The following TNC variants were observed in gnomAD, a reference collection of about 807,000 sequenced individuals.
The protein encoded by TNC is tenascin C, also known as tenascin.
TNC carries 109 observed loss-of-function variants against 202.4 expected under a neutral mutation model. The ratio of observed to expected loss-of-function variants is 0.54; its 90% CI spans 0.46 to 0.63. The LOEUF is 0.63. Ranked by LOEUF, TNC falls within the 30% of genes least tolerant of loss-of-function variation. The pLI is 0.00. For missense variants in TNC, 2,756 were observed against 2,833.3 expected (o/e 0.97, Z 0.62); for synonymous variants, 1,007 against 1,089.7 (o/e 0.92, Z 1.50).
intron 26 of TNC, among the ~76,000 whole-genome samples, chr9:115,025,727 A>G (rs750192117): frequency 2.0e-5 from 3 of 152,270 alleles, no homozygotes; most frequent in African/African-American, 4.8e-5. Context: ...GGAATAAATA[A>G]GATGAATGCA....
In TNC at chr9:115,076,282, T is replaced by G. The variant is rs1236361718; in HGVS notation, c.2860+108A>C. The G allele has an allele frequency of 4.9e-6, 7 of 1,443,060 alleles. No homozygotes were observed. In the Admixed American group the frequency reaches 1.2e-4, roughly 26 times the overall value. 89.4% of individuals were successfully genotyped at this position (1,443,060 alleles called of 1,614,324 possible). A position where few individuals can be genotyped will look rare whatever the true frequency, so the allele number is the denominator to read the frequency against. On this transcript the variant is annotated intron_variant, in intron 8 of 27. Coordinates refer to ENST00000350763, the MANE Select transcript of TNC (RefSeq NM_002160.4). The stretch of plus-strand genomic sequence containing the variant: ...TCCAATAAGCAGTATTTCAGGAAAT[T>G]GGACTTATTTCTGAGGGTTGCAAAT...
Position 115,059,836 on chromosome 9 carries a change from C to T in TNC, c.4200G>A (p.Arg1400=), listed in dbSNP as rs758182090. The T allele has an allele frequency of 6.2e-7, 1 of 1,613,960 alleles. No individual in the cohort carries two copies. The highest frequency in any genetic ancestry group is 1.3e-5 in the African/African-American group (1 of 74,878). ...CCTCGAGGCCCGGGATGTCCACAGC[C>T]CTGAGGCTGCCAGGCAACGTGAGGT... ...AQNLTLPGSL[R]AVDIPGLEAA... is the part of the protein sequence containing the mutation. Residue 1400 remains arginine (R), a synonymous_variant, in exon 14 of 28, where the codon AGG becomes AGA. Coordinates refer to ENST00000350763, the MANE Select transcript of TNC (RefSeq NM_002160.4).
chr9:115,048,220 A>G (rs750722298), intron 16 of TNC, 40 bp downstream of exon 16: 50 of 1,603,458 alleles, frequency 3.1e-5, no homozygotes, highest in Non-Finnish European at 4.3e-5. Context: ...ACAGAAGGGG[A>G]CCAGGAAGAG....
In TNC at chr9:115,073,674, T is replaced by C. The variant is rs1833626627; in HGVS notation, c.3143A>G (p.Glu1048Gly). ...CTCGGCTGTCAGGAGGACATTGTACTCCTGTCCTGGTTCCAGGCCTCTCAG... is the reference window on the plus strand; with the variant it reads ...CTCGGCTGTCAGGAGGACATTGTACCCCTGTCCTGGTTCCAGGCCTCTCAG... ...YVLRGLEPGQ[E>G]YNVLLTAEKG... The change falls in exon 10 of 28, where the codon GAG becomes GGG. Residue 1048 changes from glutamate to glycine, a missense_variant. Around this residue, in one of 2 missense-constraint regions of TNC, gnomAD observed 2,559 missense variants for 2,546.0 expected, o/e 1.01. Coordinates refer to ENST00000350763, the MANE Select transcript of TNC (RefSeq NM_002160.4). The C allele has an allele frequency of 6.2e-7, 1 of 1,614,082 alleles. No homozygotes were observed. The highest frequency in any genetic ancestry group is 1.3e-5 in the African/African-American group (1 of 74,940).
In TNC at chr9:115,041,098, A is replaced by G; in HGVS notation, c.5249-14T>C. 2 of 1,602,346 alleles carry G rather than the reference A, an allele frequency of 1.2e-6. No individual in the cohort carries two copies. The highest frequency in any genetic ancestry group is 1.7e-6 in the Non-Finnish European group (2 of 1,173,108). On this transcript the variant is annotated splice_polypyrimidine_tract_variant and intron_variant, in intron 18 of 27. Transcript: ENST00000350763. The stretch of plus-strand genomic sequence containing the variant: ...TGGAGGGTGTACCTGGAACACAGTA[A>G]AAGCAAGATGAGGAATAATGAACCT...
intron 1 of TNC, chr9:115,112,665 T>A (rs754718924): frequency 1.3e-5 from 2 of 152,246 alleles, no homozygotes; most frequent in Non-Finnish European, 2.9e-5. Flanking sequence ...CACAAGACCA[T>A]CCCACAGTCC....
rs73553145 is a variant in TNC, at chr9:115,053,937, T to C, written c.4579+3216A>G. 9.5e-3 allele frequency among the ~76,000 whole-genome samples: 1,441 copies of C among 152,314 alleles called. 7 individuals carry two copies. Among genetic ancestry groups the C allele is most frequent in the Middle Eastern group, 0.014 (4 of 294 alleles). Reference sequence around the variant, plus strand: ...TCCCTGAGGTTAAGTATCTCTTTTCTGTTAAAGTCTAGACATTCAGTTTTG... The same window carrying C: ...TCCCTGAGGTTAAGTATCTCTTTTCCGTTAAAGTCTAGACATTCAGTTTTG... On this transcript the variant is annotated intron_variant, in intron 15 of 27. Coordinates refer to ENST00000350763, the MANE Select transcript of TNC (RefSeq NM_002160.4).
chr9:115,039,883 G>C (rs1489430708), intron 19 of TNC, among the ~76,000 whole-genome samples: 2 of 152,252 alleles, frequency 1.3e-5, no homozygotes, highest in East Asian at 3.8e-4. Flanking sequence ...ATAAGGGCCT[G>C]TGAGGCAGGG....
chr9:115,023,045 A>AG (rs1260197646), intron 27 of TNC, among the ~76,000 whole-genome samples: 1 of 149,588 alleles, frequency 6.7e-6, no homozygotes, highest in African/African-American at 2.6e-5. Flanking sequence ...TGCAAAAAAA[A>AG]AAAAAAAATG....
chr9:115,060,107 T>C, intron 13 of TNC, 105 bp from the exon 14 acceptor site: 1 of 1,273,100 alleles, frequency 7.9e-7, no homozygotes, highest in Non-Finnish European at 1.1e-6. Context: ...GAAAGATAAT[T>C]TTTTTTTTTA....
At chr9:115,083,618 T>C (rs1480188671) in intron 4 of TNC, among the ~76,000 whole-genome samples, 3 of 151,450 alleles carry the variant, frequency 2.0e-5, no homozygotes, top group Non-Finnish European at 2.9e-5. Flanking sequence ...TTTTTTTTTT[T>C]TTCTTGAGAC....
At chr9:115,030,496 T>TG in intron 23 of TNC, 91 bp from the exon 24 acceptor site, 1 of 1,385,376 alleles carries the variant, frequency 7.2e-7, no homozygotes, top group African/African-American at 1.4e-5. Flanking sequence ...CTAGAATGCC[T>TG]GGGGAATTTC....
In TNC at chr9:115,063,946, T is replaced by A; in HGVS notation, c.3610A>T (p.Thr1204Ser). The A allele has an allele frequency of 1.2e-6, 2 of 1,614,114 alleles. No individual in the cohort carries two copies. The highest frequency in any genetic ancestry group is 1.6e-4 in the Middle Eastern group (1 of 6,062). ...YFFIQVQEAD[T>S]VEAAQNLTVP... ...GTGAGGTTCTGGGCTGCCTCTACTG[T>A]GTCAGCCTCCTGCACCTGAATGAAA... Residue 1204 changes from threonine (T) to serine (S), a missense_variant, in exon 12 of 28, where the codon ACA (threonine) becomes TCA (serine). By Grantham distance (58) the Thr-to-Ser change is moderately conservative (BLOSUM62 1). Around this residue, in one of 2 missense-constraint regions of TNC, gnomAD observed 2,559 missense variants for 2,546.0 expected, o/e 1.01. Transcript: ENST00000350763.
At position 115,085,871 on chromosome 9, in the gene TNC, G is replaced by A; in HGVS notation, c.1860C>T (p.Cys620=). ...CTGCGCCCTGGCACTCACCCTCTGA[G>A]CAGTCTTCTCCGCTGTAGCCCTCGT... ...ICNEGYSGED[C]SEVSPPKDLV... The change falls in exon 3 of 28, where the codon TGC becomes TGT. Residue 620 remains cysteine (C), a synonymous_variant. Coordinates refer to ENST00000350763, the MANE Select transcript of TNC (RefSeq NM_002160.4). 1.2e-6 allele frequency: 2 copies of A among 1,604,892 alleles called. No homozygotes were observed. Among genetic ancestry groups the A allele is most frequent in the Non-Finnish European group, 8.5e-7 (1 of 1,172,704 alleles).
intron 1 of TNC, among the ~76,000 whole-genome samples, chr9:115,107,367 C>T (rs1165428405): frequency 2.6e-5 from 4 of 152,124 alleles, no homozygotes; most frequent in Non-Finnish European, 4.4e-5. Context: ...GGCTGCCACC[C>T]TATGGTTTGC....
In TNC at chr9:115,030,471, G is replaced by A; in HGVS notation, c.5921-66C>T. The A allele has an allele frequency of 2.0e-6, 3 of 1,508,958 alleles. No individual in the cohort carries two copies. The Admixed American group carries it at 5.8e-5, about 29-fold the overall frequency. The allele number at this position is 1,508,958 out of a possible 1,614,324, so 93.5% of individuals were successfully genotyped here. The stretch of plus-strand genomic sequence containing the variant: ...GGACTGAGCTGGAGCTTAATTCTTA[G>A]CTTAACTCTATGGACTAGAATGCCT... On this transcript the variant is annotated intron_variant, in intron 23 of 27. Coordinates refer to ENST00000350763, the MANE Select transcript of TNC (RefSeq NM_002160.4).
At chr9:115,047,505 G>T (rs1426222738) in intron 16 of TNC, among the ~76,000 whole-genome samples, 2 of 152,080 alleles carry the variant, frequency 1.3e-5, no homozygotes, top group Non-Finnish European at 2.9e-5. Context: ...ATACTGCCTG[G>T]ATAAGTACTT....
intron 1 of TNC, among the ~76,000 whole-genome samples, chr9:115,106,760 C>A (rs2134188974): frequency 6.6e-6 from 1 of 152,214 alleles, no homozygotes; most frequent in South Asian, 2.1e-4. Context: ...GTGTGGTTTC[C>A]AAGAAATCAG....
intron 10 of TNC, among the ~76,000 whole-genome samples, chr9:115,069,362 G>T (rs1206060360): frequency 6.6e-6 from 1 of 151,874 alleles, no homozygotes; most frequent in Non-Finnish European, 1.5e-5. Flanking sequence ...CTTAAGCAGG[G>T]TTTAGTTGGG....
Sources: allele counts gnomAD v4.1 joint callset (sites outside exome capture counted in the v4.1 genomes callset), GRCh38; gene constraint gnomAD v4.1.1; regional missense constraint gnomAD v4.1.1; transcripts MANE v1.5; gene names NCBI Gene and HGNC (gene_info 2026-07-23, HGNC 2026-07-21).